ROBO1: variants seen among roughly 807,000 people sequenced by gnomAD.
The protein encoded by ROBO1 is roundabout homolog 1.
In ROBO1, 149 loss-of-function variants were observed where a neutral mutation model predicts 195.9. That is an observed-to-expected ratio of 0.76 (90% CI 0.67 to 0.87). The LOEUF (loss-of-function observed/expected upper bound fraction) is 0.87, where lower values mean the gene tolerates loss of function less well. Among genes scored for constraint, ROBO1 ranks in the 40% least tolerant of loss-of-function variants. The probability of loss-of-function intolerance (pLI) is 0.00; values close to 1 mark genes in which losing one functional copy is unlikely to be tolerated. For synonymous variants in ROBO1, 816 were observed against 733.2 expected, an observed-to-expected ratio of 1.11 and a Z score of -1.82; for missense variants, 1,933 against 2,068.3, an observed-to-expected ratio of 0.93 and a Z score of 1.27.
At chr3:79,115,963 A>T (rs73848837) in intron 3 of ROBO1, among the ~76,000 whole-genome samples, 2,071 of 152,300 alleles carry the variant, frequency 0.014, 48 homozygotes, top group African/African-American at 0.046. Flanking sequence ...TGACCAGCCA[A>T]AATATTCAGT....
chr3:78,739,743 A>ATT (rs2082478539), intron 5 of ROBO1, among the ~76,000 whole-genome samples: 1 of 152,206 alleles, frequency 6.6e-6, no homozygotes, highest in Admixed American at 6.5e-5. Context: ...TACTGAACAT[A>ATT]ATATGGACTA....
chr3:78,948,365 C>T (rs1449820795), intron 3 of ROBO1, among the ~76,000 whole-genome samples: 1 of 152,188 alleles, frequency 6.6e-6, no homozygotes, highest in Non-Finnish European at 1.5e-5. Context: ...TCAACATACA[C>T]AAATCAATAA....
intron 2 of ROBO1, among the ~76,000 whole-genome samples, chr3:79,374,702 A>G (rs887423350): frequency 5.3e-5 from 8 of 152,178 alleles, no homozygotes; most frequent in South Asian, 4.1e-4. Context: ...TATGCTATTT[A>G]CTTTCAGTAC....
chr3:79,536,692 AT>A (rs1191329964), intron 2 of ROBO1, among the ~76,000 whole-genome samples: 2 of 152,120 alleles, frequency 1.3e-5, no homozygotes, highest in Non-Finnish European at 2.9e-5. Flanking sequence ...ATTTGATATA[AT>A]TTTTTTCTCA....
chr3:79,696,626 T>C (rs2107125787), intron 1 of ROBO1, among the ~76,000 whole-genome samples: 1 of 151,326 alleles, frequency 6.6e-6, no homozygotes, highest in African/African-American at 2.4e-5. Flanking sequence ...TATCATGATA[T>C]CTGAAATACT....
chr3:79,525,312 G>A (rs1451744443), intron 2 of ROBO1, among the ~76,000 whole-genome samples: 3 of 149,436 alleles, frequency 2.0e-5, no homozygotes, highest in Non-Finnish European at 3.0e-5. Context: ...TCTAATATAT[G>A]TAAAATGGTT....
At chr3:79,597,604 A>C (rs1021219814) in intron 1 of ROBO1, among the ~76,000 whole-genome samples, 2 of 152,056 alleles carry the variant, frequency 1.3e-5, no homozygotes, top group South Asian at 4.1e-4. Flanking sequence ...GGCAAATGCT[A>C]TACCTTTAGT....
chr3:79,500,422 G>A (rs1940006775), intron 2 of ROBO1, among the ~76,000 whole-genome samples: 2 of 152,190 alleles, frequency 1.3e-5, no homozygotes, highest in Non-Finnish European at 2.9e-5. Flanking sequence ...GAGCCACCGG[G>A]CTTGGCCCCA....
At chr3:78,633,489 T>C (rs968762640) in intron 24 of ROBO1, among the ~76,000 whole-genome samples, 1 of 152,180 alleles carries the variant, frequency 6.6e-6, no homozygotes, top group Non-Finnish European at 1.5e-5. Context: ...CAGGCTCCTA[T>C]TGTACCTGAA....
chr3:79,444,296 T>G (rs1485444640), intron 2 of ROBO1, among the ~76,000 whole-genome samples: 1 of 152,016 alleles, frequency 6.6e-6, no homozygotes, highest in Non-Finnish European at 1.5e-5. Flanking sequence ...GCAAACAAAA[T>G]GGGTTTTTTG....
chr3:79,556,614 ATTT>A (rs1490652809), intron 2 of ROBO1, among the ~76,000 whole-genome samples: 2 of 151,968 alleles, frequency 1.3e-5, no homozygotes, highest in Non-Finnish European at 2.9e-5. Flanking sequence ...TTGACAAATT[ATTT>A]TATTGTATAT....
intron 2 of ROBO1, among the ~76,000 whole-genome samples, chr3:79,299,942 C>G (rs1447624295): frequency 6.6e-6 from 1 of 151,700 alleles, no homozygotes; most frequent in Admixed American, 6.6e-5. Context: ...GAAATAGAAT[C>G]AAAGTAATAC....
intron 3 of ROBO1, among the ~76,000 whole-genome samples, chr3:78,988,176 T>C (rs893518119): frequency 6.6e-6 from 1 of 152,116 alleles, no homozygotes; most frequent in Non-Finnish European, 1.5e-5. Flanking sequence ...GACTTTAAAA[T>C]CTTGCTCTCT....
chr3:79,378,812 C>G (rs1350998952), intron 2 of ROBO1, among the ~76,000 whole-genome samples: 3 of 152,176 alleles, frequency 2.0e-5, no homozygotes, highest in African/African-American at 7.2e-5. Context: ...TAGCATGATG[C>G]TTTGGTGTAC....
At chr3:78,799,395 G>T (rs1480925031) in intron 4 of ROBO1, among the ~76,000 whole-genome samples, 1 of 151,818 alleles carries the variant, frequency 6.6e-6, no homozygotes, top group Non-Finnish European at 1.5e-5. Flanking sequence ...AGGCTGGAGT[G>T]CAGTGGCACA....
intron 2 of ROBO1, among the ~76,000 whole-genome samples, chr3:79,472,268 C>T (rs999931050): frequency 1.3e-5 from 2 of 152,108 alleles, no homozygotes; most frequent in African/African-American, 4.8e-5. Flanking sequence ...CCCAATGTCA[C>T]ACTTCCTAGT....
intron 1 of ROBO1, among the ~76,000 whole-genome samples, chr3:79,694,180 C>A (rs1460643391): frequency 1.3e-5 from 2 of 151,680 alleles, no homozygotes; most frequent in African/African-American, 4.8e-5. Flanking sequence ...TGGGAGGATG[C>A]ACAAATGCAT....
intron 29 of ROBO1, among the ~76,000 whole-genome samples, chr3:78,600,868 G>C (rs914189225): frequency 6.6e-5 from 10 of 152,086 alleles, no homozygotes; most frequent in African/African-American, 2.4e-4. Flanking sequence ...ATATCAAACA[G>C]AACCAAGCCT....
chr3:79,616,054 C>T (rs1487466345), intron 1 of ROBO1, among the ~76,000 whole-genome samples: 1 of 152,178 alleles, frequency 6.6e-6, no homozygotes. Flanking sequence ...CCTATGGTGG[C>T]TTGCTGACAG....
Sources: allele counts gnomAD v4.1 joint callset (sites outside exome capture counted in the v4.1 genomes callset), GRCh38; gene constraint gnomAD v4.1.1; transcripts MANE v1.5; gene names NCBI Gene and HGNC (gene_info 2026-07-23, HGNC 2026-07-21).